PARD3B: variants seen among roughly 807,000 people sequenced by gnomAD.
PARD3B encodes par-3 family cell polarity regulator beta.
PARD3B carries 103 observed loss-of-function variants against 130.2 expected under a neutral mutation model. The observed-to-expected ratio is 0.79, with a 90% confidence interval of 0.67 to 0.93. PARD3B has a LOEUF of 0.93. PARD3B is among the 40% of genes least tolerant of loss of function. The pLI, the probability that PARD3B is intolerant of heterozygous loss-of-function variation, is 0.00. For synonymous variants in PARD3B, 583 were observed against 553.2 expected (o/e 1.05, Z -0.76); for missense variants, 1,609 against 1,499.2 (o/e 1.07, Z -1.21).
At chr2:204,958,745 A>G (rs1332378919) in intron 2 of PARD3B, among the ~76,000 whole-genome samples, 2 of 152,166 alleles carry the variant, frequency 1.3e-5, no homozygotes, top group East Asian at 3.9e-4. Flanking sequence ...GGAAGTTAGT[A>G]TTCTACCCTA....
At chr2:204,795,399 G>T (rs1488104646) in intron 2 of PARD3B, among the ~76,000 whole-genome samples, 1 of 152,160 alleles carries the variant, frequency 6.6e-6, no homozygotes, top group Non-Finnish European at 1.5e-5. Context: ...GGTTTGCCAA[G>T]GGTGGACTTC....
intron 13 of PARD3B, among the ~76,000 whole-genome samples, chr2:205,184,691 A>G (rs967476381): frequency 9.2e-5 from 14 of 152,000 alleles, no homozygotes; most frequent in Non-Finnish European, 1.6e-4. Context: ...GCAGTGAGCC[A>G]AGATCGTGCC....
At chr2:205,370,833 G>C (rs1189191997) in intron 18 of PARD3B, among the ~76,000 whole-genome samples, 1 of 152,026 alleles carries the variant, frequency 6.6e-6, no homozygotes. Flanking sequence ...AGAGTGGGTG[G>C]TAGGGTGATG....
intron 2 of PARD3B, among the ~76,000 whole-genome samples, chr2:204,773,859 A>T (rs1416953698): frequency 6.6e-6 from 1 of 152,046 alleles, no homozygotes; most frequent in African/African-American, 2.4e-5. Context: ...AAATCAGATT[A>T]TGCTACATTT....
Position 205,562,878 on chromosome 2 carries a change from C to T in PARD3B, c.3260+9475C>T, listed in dbSNP as rs765583589. ...CTCTGACTCCAGCCATTTGCACTGT[C>T]CCTTGATTCAAGTTCCTGGGTTTGC... On this transcript the variant is annotated intron_variant, in intron 22 of 22. Transcript: ENST00000406610. This position sits in a 1 kb window ranked among gnomAD's most constrained non-coding sequence, Gnocchi z 5.4. Among the ~76,000 whole-genome samples, 1 of 152,186 alleles carries T rather than the reference C, an allele frequency of 6.6e-6. No individual in the cohort carries two copies. The highest frequency in any genetic ancestry group is 2.4e-5 in the African/African-American group (1 of 41,442).
intron 7 of PARD3B, 113 bp downstream of exon 7, chr2:205,119,159 G>T: frequency 1.5e-6 from 2 of 1,349,914 alleles, no homozygotes; most frequent in Admixed American, 2.8e-5. Context: ...AGTTCCCTTT[G>T]AACGATCCAG....
At chr2:205,358,602 A>G (rs966161369) in intron 18 of PARD3B, among the ~76,000 whole-genome samples, 7 of 152,198 alleles carry the variant, frequency 4.6e-5, no homozygotes, top group African/African-American at 1.7e-4. Flanking sequence ...ACATACGCTA[A>G]CAATTCCTTT....
chr2:205,113,023 T>G (rs1349988499), intron 5 of PARD3B, among the ~76,000 whole-genome samples: 1 of 152,196 alleles, frequency 6.6e-6, no homozygotes, highest in Non-Finnish European at 1.5e-5. Context: ...CACGTAATTC[T>G]GTGCTTTTTC....
intron 2 of PARD3B, among the ~76,000 whole-genome samples, chr2:204,752,986 T>C (rs1289979221): frequency 6.6e-6 from 1 of 152,204 alleles, no homozygotes; most frequent in African/African-American, 2.4e-5. Context: ...TTACTAAATG[T>C]ATAAATTCAG....
At chr2:204,682,211 T>A (rs1032101779) in intron 1 of PARD3B, among the ~76,000 whole-genome samples, 3 of 152,156 alleles carry the variant, frequency 2.0e-5, no homozygotes, top group African/African-American at 7.2e-5. Context: ...ATGGACCTGA[T>A]TCCCTGCCTG....
rs142884830 is a variant in PARD3B at position 204,616,603 on chromosome 2, A to G, written c.121-69578A>G. Among the ~76,000 whole-genome samples the G allele has an allele frequency of 9.2e-5, 14 of 152,336 alleles. No individual in the cohort carries two copies. The South Asian group carries it at 1.4e-3, about 16-fold the overall frequency. On this transcript the variant is annotated intron_variant, in intron 1 of 22. Transcript: ENST00000406610. ...CATACCCTGACTGTATGATCCAGCA[A>G]TTGTGCTCCCTGATATTTACTCAAA...
At chr2:204,696,351 TTTAG>T (rs1401880822) in intron 2 of PARD3B, among the ~76,000 whole-genome samples, 1 of 152,040 alleles carries the variant, frequency 6.6e-6, no homozygotes, top group Non-Finnish European at 1.5e-5. Flanking sequence ...CAAGCAACTA[TTTAG>T]TTACTTGATA....
intron 18 of PARD3B, among the ~76,000 whole-genome samples, chr2:205,307,503 A>C (rs538979362): frequency 3.3e-5 from 5 of 152,276 alleles, no homozygotes; most frequent in African/African-American, 1.2e-4. Flanking sequence ...AGTTCCATAC[A>C]TATTGTGCTC....
intron 1 of PARD3B, among the ~76,000 whole-genome samples, chr2:204,599,562 G>A (rs1162867473): frequency 1.3e-5 from 2 of 151,882 alleles, no homozygotes; most frequent in East Asian, 3.8e-4. Context: ...GTGTATATAT[G>A]CCACATTTTC....
At chr2:204,751,112 T>G (rs1183645262) in intron 2 of PARD3B, among the ~76,000 whole-genome samples, 2 of 152,178 alleles carry the variant, frequency 1.3e-5, no homozygotes, top group East Asian at 3.9e-4. Context: ...AAGAGCGTCA[T>G]AATGAAAGGA....
In PARD3B at chr2:204,805,286, C is replaced by A. The variant is rs186919366; in HGVS notation, c.222+119004C>A. Among the ~76,000 whole-genome samples the A allele has an allele frequency of 1.3e-3, 202 of 152,174 alleles. 2 individuals are homozygous for A. The highest frequency in any genetic ancestry group is 4.8e-3 in the African/African-American group (199 of 41,550). On this transcript the variant is annotated intron_variant, in intron 2 of 22. Coordinates refer to ENST00000406610, the MANE Select transcript of PARD3B (RefSeq NM_001302769.2). Reference sequence around the variant, plus strand: ...GATCATTAGTGACTACTATGAGCAACTCTATACCAGTAAATTGGAAAACTA... The same window carrying A: ...GATCATTAGTGACTACTATGAGCAAATCTATACCAGTAAATTGGAAAACTA...
At chr2:204,853,444 T>G (rs925128819) in intron 2 of PARD3B, among the ~76,000 whole-genome samples, 1 of 152,180 alleles carries the variant, frequency 6.6e-6, no homozygotes, top group Non-Finnish European at 1.5e-5. Flanking sequence ...GTTGTGTTGT[T>G]TGAGGCCAAG....
At chr2:205,245,412 C>T (rs771290182) in intron 15 of PARD3B, among the ~76,000 whole-genome samples, 7 of 152,076 alleles carry the variant, frequency 4.6e-5, no homozygotes, top group African/African-American at 1.7e-4. Context: ...GACACACACA[C>T]GTATTGCTGT....
intron 18 of PARD3B, among the ~76,000 whole-genome samples, chr2:205,400,383 A>G (rs1483644610): frequency 6.6e-6 from 1 of 151,946 alleles, no homozygotes; most frequent in Non-Finnish European, 1.5e-5. Flanking sequence ...GCTTACATCT[A>G]TAATCCTAGC....
Sources: allele counts gnomAD v4.1 joint callset (sites outside exome capture counted in the v4.1 genomes callset), GRCh38; gene constraint gnomAD v4.1.1; non-coding constraint Gnocchi (gnomAD v3.1); transcripts MANE v1.5; gene names NCBI Gene and HGNC (gene_info 2026-07-23, HGNC 2026-07-21).